SPDYE3: variants seen among roughly 807,000 people sequenced by gnomAD.
The protein encoded by SPDYE3 is speedy/RINGO cell cycle regulator family member E3.
A neutral mutation model predicts 55.0 loss-of-function variants in SPDYE3; 15 were observed. That is an observed-to-expected ratio of 0.27 (90% CI 0.18 to 0.42). SPDYE3 has a LOEUF of 0.42. SPDYE3 is among the 10% of genes least tolerant of loss of function. The probability of loss-of-function intolerance (pLI) is 1.00; values close to 1 mark genes in which losing one functional copy is unlikely to be tolerated. For missense variants in SPDYE3, 236 were observed against 576.7 expected, an observed-to-expected ratio of 0.41 and a Z score of 6.05; for synonymous variants, 89 against 229.9, an observed-to-expected ratio of 0.39 and a Z score of 5.55.
At position 100,307,863 on chromosome 7, in the gene SPDYE3, T is replaced by C. The variant is rs752118154; in HGVS notation, c.-23T>C. 36 of 1,562,752 alleles carry C rather than the reference T, an allele frequency of 2.3e-5. No homozygotes were observed. The highest frequency in any genetic ancestry group is 2.7e-5 in the African/African-American group (2 of 74,006). ...AGAACAGAGACTAGCTTCGGTGAGA[T>C]TGGACAGATTTTGGGAAAGATCATG... On this transcript the variant is annotated 5_prime_UTR_variant, in exon 1 of 11. Coordinates refer to ENST00000332397, the MANE Select transcript of SPDYE3 (RefSeq NM_001004351.5).
chr7:100,315,723 C>T, intron 6 of SPDYE3, 62 bp from the exon 7 acceptor site: 3 of 1,596,712 alleles, frequency 1.9e-6, no homozygotes, highest in Non-Finnish European at 1.7e-6. Context: ...TCCTCACTGC[C>T]CTGCTGCTCC....
At chr7:100,318,650 TG>T (rs1217506738) in intron 8 of SPDYE3, among the ~76,000 whole-genome samples, 1 of 151,940 alleles carries the variant, frequency 6.6e-6, no homozygotes, top group Non-Finnish European at 1.5e-5. Flanking sequence ...TCATCTCCCC[TG>T]ATTACTCCCA....
chr7:100,320,607 G>C, intron 10 of SPDYE3: 1 of 1,020,656 alleles, frequency 9.8e-7, no homozygotes, highest in Non-Finnish European at 1.2e-6. Context: ...CACATTCTCT[G>C]AGGGTGCCCT....
At position 100,321,921 on chromosome 7, in the gene SPDYE3, A is replaced by C. The variant is rs1399734209; in HGVS notation, c.*1076A>C. On this transcript the variant is annotated 3_prime_UTR_variant, in exon 11 of 11. Coordinates refer to ENST00000332397, the MANE Select transcript of SPDYE3 (RefSeq NM_001004351.5). ...AAATATTATTTTAAATATTTTGGAA[A>C]TACTGGTATTTTTGAATAGATGCTG... 4 of 149,646 alleles carry C rather than the reference A, an allele frequency of 2.7e-5. No homozygotes were observed. The East Asian group carries it at 7.7e-4, about 29-fold the overall frequency. The allele number at this position is 149,646 out of a possible 1,614,324, so 9.3% of individuals were successfully genotyped here.
chr7:100,317,194 G>C, intron 8 of SPDYE3, 39 bp downstream of exon 8: 2 of 1,609,660 alleles, frequency 1.2e-6, no homozygotes, highest in Non-Finnish European at 1.7e-6. Context: ...AATATCCAAC[G>C]CCCTGGGACA....
intron 7 of SPDYE3, among the ~76,000 whole-genome samples, chr7:100,316,854 G>C (rs921217959): frequency 5.3e-5 from 8 of 152,228 alleles, no homozygotes; most frequent in African/African-American, 1.9e-4. Context: ...ACCATCCTGG[G>C]AGCATCACCT....
intron 10 of SPDYE3, chr7:100,320,360 T>C (rs1481290711): frequency 1.0e-5 from 11 of 1,070,250 alleles, no homozygotes; most frequent in South Asian, 1.7e-5. Flanking sequence ...TTCTTTATGA[T>C]TGATGCACTT....
rs201304346 is a variant in SPDYE3 at position 100,319,512 on chromosome 7, C to T, written c.1347-53C>T. The T allele has an allele frequency of 1.2e-3, 1,972 of 1,613,058 alleles. 29 individuals carry two copies. The South Asian group carries it at 0.02, about 17-fold the overall frequency. On this transcript the variant is annotated intron_variant, in intron 8 of 10. Coordinates refer to ENST00000332397, the MANE Select transcript of SPDYE3 (RefSeq NM_001004351.5). ...TCCTCTCTGGGAAGCTGACCTCAGC[C>T]GGAGGTCTCTCCTGGTGGTGCCCCT... is the stretch of plus-strand genomic sequence containing the variant.
chr7:100,308,800 G>T (rs1483184497), intron 1 of SPDYE3, among the ~76,000 whole-genome samples, 174 bp from the exon 2 acceptor site: 1 of 150,138 alleles, frequency 6.7e-6, no homozygotes, highest in Non-Finnish European at 1.5e-5. Context: ...GGAAGAATGG[G>T]GAGGGGAAGG....
At chr7:100,320,127 G>A (rs1224759202) in intron 10 of SPDYE3, 92 bp downstream of exon 10, 36 of 1,553,374 alleles carry the variant, frequency 2.3e-5, no homozygotes, top group African/African-American at 4.1e-5. Context: ...TTCAAGCCTC[G>A]GCAACGTGGC....
Position 100,320,084 on chromosome 7 carries a change from G to A in SPDYE3, c.*45+49G>A, listed in dbSNP as rs1229973267. The A allele has an allele frequency of 3.8e-6, 6 of 1,575,368 alleles. No homozygotes were observed. The African/African-American group carries it at 4.1e-5, about 11-fold the overall frequency. On this transcript the variant is annotated intron_variant, in intron 10 of 10. Transcript: ENST00000332397. ...AAGGCAGAATATTGGGGTCTATTTC[G>A]GAAATCCAAGGAACCCAATTGCTTG...
chr7:100,312,815 G>A (rs1805994782), intron 4 of SPDYE3, among the ~76,000 whole-genome samples: 1 of 140,656 alleles, frequency 7.1e-6, no homozygotes, highest in Non-Finnish European at 1.6e-5. Flanking sequence ...GATAGATGTT[G>A]CAGTCAGCTG....
rs1197586962 is a variant in SPDYE3, at chr7:100,319,937, G to A, written c.1597G>A (p.Ala533Thr). The stretch of plus-strand genomic sequence containing the variant: ...AGCGCATTTGTTTTTCCAGATCCAG[G>A]CTTATGACCCAGAGCACTGGGTGTG... ...VSPEELEEIQAYDPEHWVWAR... is the reference protein window; with the variant it reads ...VSPEELEEIQTYDPEHWVWAR... The change falls in exon 10 of 11, where the codon GCT becomes ACT. Residue 533 changes from alanine to threonine, a missense_variant. Physicochemically the swap from Ala to Thr is moderately conservative, Grantham distance 58 (BLOSUM62 0). Coordinates refer to ENST00000332397, the MANE Select transcript of SPDYE3 (RefSeq NM_001004351.5). 4 of 1,612,246 alleles carry A rather than the reference G, an allele frequency of 2.5e-6. No individual in the cohort carries two copies. Among genetic ancestry groups the A allele is most frequent in the Non-Finnish European group, 3.4e-6 (4 of 1,180,008 alleles).
At position 100,307,702 on chromosome 7, in the gene SPDYE3, C is replaced by T. The variant is rs111312383; in HGVS notation, c.-184C>T. The T allele has an allele frequency of 0.18, 245,739 of 1,387,386 alleles. 22,878 individuals are homozygous for T. Among genetic ancestry groups the T allele is most frequent in the Middle Eastern group, 0.2 (739 of 3,762 alleles). The allele number at this position is 1,387,386 out of a possible 1,614,324, so 85.9% of individuals were successfully genotyped here. A position where few individuals can be genotyped will look rare whatever the true frequency, so the allele number is the denominator to read the frequency against. ...GACCTTCCTGATTGGAAGGACCGGA[C>T]TCTGTCGGCGCCTGGCAGTTCAGGT... On this transcript the variant is annotated 5_prime_UTR_variant, in exon 1 of 11. Transcript: ENST00000332397.
At position 100,319,791 on chromosome 7, in the gene SPDYE3, C is replaced by G. The variant is rs761014553; in HGVS notation, c.1573C>G (p.Pro525Ala). ...CSMRCRAWVSPEELEEIQAYD... is the reference protein window; with the variant it reads ...CSMRCRAWVSAEELEEIQAYD... The stretch of plus-strand genomic sequence containing the variant: ...CATGCGCTGCAGGGCTTGGGTTTCC[C>G]CGGAGGAGTTGGAGGAGGTGGGTGG... Residue 525 changes from proline (P) to alanine (A), a missense_variant, in exon 9 of 11, where the codon CCG becomes GCG. Pro to Ala is a conservative substitution (Grantham distance 27). Coordinates refer to ENST00000332397, the MANE Select transcript of SPDYE3 (RefSeq NM_001004351.5). 3.1e-6 allele frequency: 5 copies of G among 1,613,968 alleles called. No homozygotes were observed. The East Asian group carries it at 8.9e-5, about 29-fold the overall frequency.
At chr7:100,318,740 T>G (rs1197546174) in intron 8 of SPDYE3, among the ~76,000 whole-genome samples, 4 of 97,976 alleles carry the variant, frequency 4.1e-5, no homozygotes, top group Non-Finnish European at 8.6e-5. Flanking sequence ...TTTTTTTTTT[T>G]GAGACAGACT....
intron 2 of SPDYE3, among the ~76,000 whole-genome samples, chr7:100,309,755 G>C (rs1805916986): frequency 6.9e-6 from 1 of 144,686 alleles, no homozygotes; most frequent in South Asian, 2.2e-4. Context: ...AAAAAAGAAG[G>C]GTCAGAGGTC....
intron 7 of SPDYE3, among the ~76,000 whole-genome samples, chr7:100,316,755 C>T (rs1806114167): frequency 6.6e-6 from 1 of 152,134 alleles, no homozygotes; most frequent in Non-Finnish European, 1.5e-5. Flanking sequence ...CTCTCAGCTC[C>T]TTGGGACAGT....
chr7:100,317,149 T>C lies in SPDYE3; in HGVS notation c.1340T>C (p.Leu447Pro). ...SWQYQRIHFF[L>P]ALYLANDMEE... ...CAATACCAACGCATTCATTTCTTCC[T>C]GGCTCTGTGAGTGGTTTGCTGCCTC... Residue 447 changes from leucine (L) to proline (P), a missense_variant, in exon 8 of 11, where the codon CTG becomes CCG. Physicochemically the swap from Leu to Pro is moderately conservative, Grantham distance 98. Coordinates refer to ENST00000332397, the MANE Select transcript of SPDYE3 (RefSeq NM_001004351.5). 6.2e-7 allele frequency: 1 copy of C among 1,611,882 alleles called. No homozygotes were observed. The highest frequency in any genetic ancestry group is 1.1e-5 in the South Asian group (1 of 90,986).
Sources: gnomAD v4.1 joint callset for allele counts (sites outside exome capture counted in the v4.1 genomes callset) on GRCh38, gnomAD v4.1.1 for gene constraint, MANE v1.5 for transcripts, NCBI Gene and HGNC (gene_info 2026-07-23, HGNC 2026-07-21) for gene names.